The following PEAK1 variants were observed in gnomAD, a reference collection of about 807,000 sequenced individuals.
PEAK1 encodes pseudopodium enriched atypical kinase 1, also known as inactive tyrosine-protein kinase PEAK1.
PEAK1 carries 54 observed loss-of-function variants against 124.7 expected under a neutral mutation model. The observed-to-expected ratio is 0.43, with a 90% CI of 0.35 to 0.54. The LOEUF (loss-of-function observed/expected upper bound fraction) is 0.54, where lower values mean the gene tolerates loss of function less well. Among genes scored for constraint, PEAK1 ranks in the 20% least tolerant of loss-of-function variants. The probability of loss-of-function intolerance (pLI) is 0.01; values close to 1 mark genes in which losing one functional copy is unlikely to be tolerated. For missense variants in PEAK1, 2,046 were observed against 2,134.5 expected (o/e 0.96, Z 0.82); for synonymous variants, 719 against 760.0 (o/e 0.95, Z 0.89).
At chr15:77,240,410 A>C (rs765671015) in intron 6 of PEAK1, among the ~76,000 whole-genome samples, 5 of 151,978 alleles carry the variant, frequency 3.3e-5, no homozygotes, top group Admixed American at 2.6e-4. Context: ...ATTTGAGCCC[A>C]GGAGTTCAAG....
chr15:77,179,922 C>T lies in PEAK1; in HGVS notation c.2005G>A (p.Glu669Lys). 6.2e-7 allele frequency: 1 copy of T among 1,614,140 alleles called. No homozygotes were observed. Among genetic ancestry groups the T allele is most frequent in the South Asian group, 1.1e-5 (1 of 91,078 alleles). Residue 669 changes from glutamate to lysine, a missense_variant, in exon 7 of 10, where the codon GAA (glutamate) becomes AAA (lysine). Physicochemically the swap from Glu to Lys is moderately conservative, Grantham distance 56. Coordinates refer to ENST00000682557, the MANE Select transcript of PEAK1 (RefSeq NM_001385026.1). ...TTATCAGGCACTTTGCTTTCTGTTT[C>T]TATTTCTTCATAAGTATGGCTTATT... ...SVISHTYEEI[E>K]TESKVPDNTT... is the part of the protein sequence containing the mutation.
chr15:77,172,790 T>C (rs2056599671), intron 7 of PEAK1, among the ~76,000 whole-genome samples: 1 of 152,196 alleles, frequency 6.6e-6, no homozygotes, highest in Non-Finnish European at 1.5e-5. Flanking sequence ...TCTCACCCTG[T>C]CACCCAGGTT....
chr15:77,310,166 C>T (rs2064351929), intron 2 of PEAK1, among the ~76,000 whole-genome samples: 1 of 152,096 alleles, frequency 6.6e-6, no homozygotes, highest in Non-Finnish European at 1.5e-5. Flanking sequence ...ACTCTAAAGC[C>T]TCTTTGAATG....
intron 6 of PEAK1, among the ~76,000 whole-genome samples, chr15:77,206,884 C>T (rs2058685239): frequency 6.6e-6 from 1 of 151,996 alleles, no homozygotes; most frequent in African/African-American, 2.4e-5. Flanking sequence ...GCTACAGTAA[C>T]CAAAACAGCA....
Position 77,179,465 on chromosome 15 carries a change from A to G in PEAK1, c.2462T>C (p.Phe821Ser). 1 of 1,614,006 alleles carries G rather than the reference A, an allele frequency of 6.2e-7. No homozygotes were observed. Among genetic ancestry groups the G allele is most frequent in the Admixed American group, 1.7e-5 (1 of 59,986 alleles). Residue 821 changes from phenylalanine (F) to serine (S), a missense_variant, in exon 7 of 10, where the codon TTT (phenylalanine) becomes TCT (serine). Transcript: ENST00000682557. ...AGCCTCACCACTAGGCTGAGATGTA[A>G]AGAGAGATTTGGGCCGGACTGGCGT... ...KSTPVRPKSLFTSQPSGEAEA... is the reference protein window; with the variant it reads ...KSTPVRPKSLSTSQPSGEAEA...
intron 2 of PEAK1, among the ~76,000 whole-genome samples, chr15:77,314,316 ACC>A (rs2064734479): frequency 1.3e-5 from 2 of 152,036 alleles, no homozygotes; most frequent in Admixed American, 1.3e-4. Flanking sequence ...AATTCAGTTA[ACC>A]TATTTTGGGT....
intron 1 of PEAK1, among the ~76,000 whole-genome samples, chr15:77,409,489 A>T (rs1243722804): frequency 1.3e-5 from 2 of 152,230 alleles, no homozygotes; most frequent in Non-Finnish European, 2.9e-5. Context: ...TCTTAACCAC[A>T]ATGTTGCTTA....
At chr15:77,315,048 A>G (rs1179625930) in intron 2 of PEAK1, among the ~76,000 whole-genome samples, 2 of 152,154 alleles carry the variant, frequency 1.3e-5, no homozygotes, top group Non-Finnish European at 2.9e-5. Flanking sequence ...CTGAATCTAA[A>G]ATAAAAATCG....
intron 2 of PEAK1, among the ~76,000 whole-genome samples, chr15:77,311,635 T>C (rs1285540965): frequency 7.3e-6 from 1 of 137,080 alleles, no homozygotes; most frequent in East Asian, 2.1e-4. Flanking sequence ...ATTGCACCAC[T>C]GCACTCTAGC....
intron 5 of PEAK1, among the ~76,000 whole-genome samples, chr15:77,277,581 A>T (rs990019819): frequency 2.0e-5 from 3 of 151,090 alleles, no homozygotes; most frequent in African/African-American, 4.9e-5. Flanking sequence ...ATTCATGTGA[A>T]TTTATAATTA....
At chr15:77,214,919 A>G (rs1414998288) in intron 6 of PEAK1, among the ~76,000 whole-genome samples, 1 of 152,156 alleles carries the variant, frequency 6.6e-6, no homozygotes, top group Non-Finnish European at 1.5e-5. Flanking sequence ...GGGAATTACA[A>G]TTCGACAAGA....
chr15:77,353,017 G>C (rs1163269963), intron 2 of PEAK1: 6 of 985,204 alleles, frequency 6.1e-6, no homozygotes, highest in Non-Finnish European at 7.2e-6. Flanking sequence ...GCAAGCATCT[G>C]TTGGCTAATA....
chr15:77,114,086 C>G lies in PEAK1; in HGVS notation c.*70G>C. 1 of 1,503,020 alleles carries G rather than the reference C, an allele frequency of 6.7e-7. No homozygotes were observed. Among genetic ancestry groups the G allele is most frequent in the Non-Finnish European group, 9.1e-7 (1 of 1,093,528 alleles). The allele number at this position is 1,503,020 out of a possible 1,614,324, so 93.1% of individuals were successfully genotyped here. A position where few individuals can be genotyped will look rare whatever the true frequency, so the allele number is the denominator to read the frequency against. ...TCTTTCCTTGAATTTGGAGTGAGCA[C>G]TAGGGAGGGGAAGTGCATGGGTGAC... is the stretch of plus-strand genomic sequence containing the variant. On this transcript the variant is annotated 3_prime_UTR_variant, in exon 10 of 10. Transcript: ENST00000682557.
rs192385856 is a variant in PEAK1 at position 77,169,630 on chromosome 15, G to A, written c.3137+9160C>T. ...TGTTCTAAAGCGATTAGGTTACCAGGGGCAAGAGATTAGGCAGAGAGCTCA... is the reference window on the plus strand; with the variant it reads ...TGTTCTAAAGCGATTAGGTTACCAGAGGCAAGAGATTAGGCAGAGAGCTCA... On this transcript the variant is annotated intron_variant, in intron 7 of 9. Transcript: ENST00000682557. 2.5e-3 allele frequency among the ~76,000 whole-genome samples: 384 copies of A among 152,264 alleles called. 3 individuals carry two copies. Among genetic ancestry groups the A allele is most frequent in the Non-Finnish European group, 3.9e-3 (263 of 68,008 alleles).
At chr15:77,232,582 A>G (rs900657210) in intron 6 of PEAK1, among the ~76,000 whole-genome samples, 41 of 152,256 alleles carry the variant, frequency 2.7e-4, no homozygotes, top group African/African-American at 9.6e-4. Flanking sequence ...ATGTTCCCCA[A>G]AATTCTACCA....
intron 6 of PEAK1, chr15:77,239,767 T>G (rs1210005601): frequency 2.4e-6 from 2 of 831,746 alleles, no homozygotes; most frequent in Non-Finnish European, 2.9e-6. Context: ...AGTATTCCTG[T>G]CACATATTAC....
At position 77,197,237 on chromosome 15, in the gene PEAK1, C is replaced by G. The variant is rs141911066; in HGVS notation, c.-114-15197G>C. On this transcript the variant is annotated intron_variant, in intron 6 of 9. Coordinates refer to ENST00000682557, the MANE Select transcript of PEAK1 (RefSeq NM_001385026.1). ...TAGATATTGCTTAAAATGAGAATAT[C>G]ACCCAAAAGAATGCTTAGGGAAGGA... 1.4e-3 allele frequency among the ~76,000 whole-genome samples: 220 copies of G among 152,248 alleles called. 2 individuals are homozygous for G. The highest frequency in any genetic ancestry group is 4.8e-3 in the African/African-American group (198 of 41,568).
chr15:77,346,184 C>G, intron 2 of PEAK1: 1 of 970,514 alleles, frequency 1.0e-6, no homozygotes, highest in Non-Finnish European at 1.2e-6. Context: ...TTAAATCTAC[C>G]CTTTTGGCAT....
intron 2 of PEAK1, among the ~76,000 whole-genome samples, chr15:77,328,218 C>T (rs2065692887): frequency 6.6e-6 from 1 of 152,108 alleles, no homozygotes; most frequent in Non-Finnish European, 1.5e-5. Context: ...AGTATATCTA[C>T]CTTATATAGT....
Sources: gnomAD v4.1 joint callset for allele counts (sites outside exome capture counted in the v4.1 genomes callset) on GRCh38, gnomAD v4.1.1 for gene constraint, MANE v1.5 for transcripts, NCBI Gene and HGNC (gene_info 2026-07-23, HGNC 2026-07-21) for gene names.